Variants in TIMM13 observed in about 807,000 individuals in gnomAD.
TIMM13 encodes the protein translocase of inner mitochondrial membrane 13.
A neutral mutation model predicts 10.9 loss-of-function variants in TIMM13; 8 were observed. The ratio of observed to expected loss-of-function variants is 0.73; its 90% confidence interval spans 0.43 to 1.32. The LOEUF (loss-of-function observed/expected upper bound fraction) is 1.32. Ranked by LOEUF, TIMM13 falls within the 40% of genes most tolerant of loss-of-function variation. TIMM13 has a pLI of 0.01. For synonymous variants in TIMM13, 68 were observed against 52.5 expected (o/e 1.30, Z -1.28); for missense variants, 147 against 132.8 (o/e 1.11, Z -0.53).
At position 2,425,660 on chromosome 19, in the gene TIMM13, C is replaced by A; in HGVS notation, c.*1288G>T. The stretch of plus-strand genomic sequence containing the variant: ...TCTGGAGGAATTTCCACTCCACAGC[C>A]GTTTATTGGGCAACCCACCGCATCC... On this transcript the variant is annotated 3_prime_UTR_variant, in exon 3 of 3. Coordinates refer to ENST00000215570, the MANE Select transcript of TIMM13 (RefSeq NM_012458.4). 2 of 1,326,196 alleles carry A rather than the reference C, an allele frequency of 1.5e-6. No individual in the cohort carries two copies. The highest frequency in any genetic ancestry group is 1.7e-5 in the South Asian group (1 of 58,374). 82.2% of individuals were successfully genotyped at this position (1,326,196 alleles called of 1,614,324 possible). A position where few individuals can be genotyped will look rare whatever the true frequency, so the allele number is the denominator to read the frequency against.
At position 2,425,714 on chromosome 19, in the gene TIMM13, C is replaced by A; in HGVS notation, c.*1234G>T. On this transcript the variant is annotated 3_prime_UTR_variant, in exon 3 of 3. Transcript: ENST00000215570. ...CCCCGGGCCTCGGCGGCAGAGCAGG[C>A]AGAGGCTGCAGTGGGAGGCACCGTT... 1 of 1,166,708 alleles carries A rather than the reference C, an allele frequency of 8.6e-7. No homozygotes were observed. The highest frequency in any genetic ancestry group is 1.7e-5 in the South Asian group (1 of 57,266). The allele number at this position is 1,166,708 out of a possible 1,614,324, so 72.3% of individuals were successfully genotyped here.
chr19:2,426,063 G>A lies in TIMM13; in HGVS notation c.*885C>T, dbSNP rs147580035. 10 of 1,609,318 alleles carry A rather than the reference G, an allele frequency of 6.2e-6. No individual in the cohort carries two copies. The African/African-American group carries it at 9.4e-5, about 15-fold the overall frequency. On this transcript the variant is annotated 3_prime_UTR_variant, in exon 3 of 3. Transcript: ENST00000215570. ...ACCCGGGTGGCAGCTGTGAGAGGCT[G>A]GATAGGACAGCACATCCAGGAGTGA...
At position 2,426,993 on chromosome 19, in the gene TIMM13, A is replaced by G; in HGVS notation, c.243T>C (p.Ser81=). ...DRYMDAWNTV[S]RAYNSRLQRE... ...GCTGCAGCCGCGAGTTGTAGGCGCG[A>G]GACACGGTGTTCCAGGCGTCCATGT... Residue 81 remains serine (S), a synonymous_variant, in exon 3 of 3, where the codon TCT becomes TCC. Transcript: ENST00000215570. 1 of 1,607,744 alleles carries G rather than the reference A, an allele frequency of 6.2e-7. No homozygotes were observed. Among genetic ancestry groups the G allele is most frequent in the East Asian group, 2.2e-5 (1 of 44,546 alleles).
rs115153608 is a variant in TIMM13, at chr19:2,426,759, C to T, written c.*189G>A. On this transcript the variant is annotated 3_prime_UTR_variant, in exon 3 of 3. Transcript: ENST00000215570. ...AGCACTTCAGGAAGGCACAGGGCCCCACACCCCCGAGATCCAAGCTGCACT... is the reference window on the plus strand; with the variant it reads ...AGCACTTCAGGAAGGCACAGGGCCCTACACCCCCGAGATCCAAGCTGCACT... The T allele has an allele frequency of 7.5e-5, 49 of 652,236 alleles. No individual in the cohort carries two copies. The highest frequency in any genetic ancestry group is 7.2e-4 in the African/African-American group (40 of 55,712). The allele number at this position is 652,236 out of a possible 1,614,324, so 40.4% of individuals were successfully genotyped here.
chr19:2,426,878 T>A lies in TIMM13; in HGVS notation c.*70A>T. On this transcript the variant is annotated 3_prime_UTR_variant, in exon 3 of 3. Transcript: ENST00000215570. ...TCCTAAGCCCCGGGCAGGCAGTACG[T>A]ACATGCGGACCCCGCCTCTCAAAGC... is the stretch of plus-strand genomic sequence containing the variant. 6.8e-7 allele frequency: 1 copy of A among 1,465,330 alleles called. No individual in the cohort carries two copies. Among genetic ancestry groups the A allele is most frequent in the Non-Finnish European group, 9.3e-7 (1 of 1,074,952 alleles). 90.8% of individuals were successfully genotyped at this position (1,465,330 alleles called of 1,614,324 possible).
chr19:2,427,199 CTCCCCCCT>C lies in TIMM13; in HGVS notation c.189+49_189+56del, dbSNP rs1416616966. 23 of 1,592,686 alleles carry C rather than the reference CTCCCCCCT, an allele frequency of 1.4e-5. No individual in the cohort carries two copies. The East Asian group carries it at 4.3e-4, about 30-fold the overall frequency. ...CGTTAGTCTGCGCACGCGCAGACAC[CTCCCCCCT>C]CGAATCTAGGCCCTCGCGACCCTTG... is the stretch of plus-strand genomic sequence containing the variant. On this transcript the variant is annotated intron_variant, in intron 2 of 2. Coordinates refer to ENST00000215570, the MANE Select transcript of TIMM13 (RefSeq NM_012458.4).
chr19:2,426,239 A>G lies in TIMM13; in HGVS notation c.*709T>C, dbSNP rs1022663001. The G allele has an allele frequency of 3.9e-5, 34 of 864,702 alleles. No individual in the cohort carries two copies. Among genetic ancestry groups the G allele is most frequent in the Non-Finnish European group, 5.6e-5 (33 of 589,780 alleles). The allele number at this position is 864,702 out of a possible 1,614,324, so 53.6% of individuals were successfully genotyped here. ...CATTTTGGTACCACCCTTTGTTCCA[A>G]TAAACACAGCCCCTCCACCCTAGCT... On this transcript the variant is annotated 3_prime_UTR_variant, in exon 3 of 3. Coordinates refer to ENST00000215570, the MANE Select transcript of TIMM13 (RefSeq NM_012458.4).
rs758940729 is a variant in TIMM13, at chr19:2,426,017, C to T, written c.*931G>A. ...TAGCTGGGGCTATGGCTGTGGCCGGCCCCACTTCCCAGGTGTCTATACCCG... is the reference window on the plus strand; with the variant it reads ...TAGCTGGGGCTATGGCTGTGGCCGGTCCCACTTCCCAGGTGTCTATACCCG... On this transcript the variant is annotated 3_prime_UTR_variant, in exon 3 of 3. Coordinates refer to ENST00000215570, the MANE Select transcript of TIMM13 (RefSeq NM_012458.4). 3 of 1,607,800 alleles carry T rather than the reference C, an allele frequency of 1.9e-6. No homozygotes were observed. The highest frequency in any genetic ancestry group is 1.1e-5 in the South Asian group (1 of 90,524).
chr19:2,427,564 C>T lies in TIMM13; in HGVS notation c.-31G>A. ...CGCAAAGTCAACCGGACCGAGGCCGCGTGCGCCGACTCGTAACTAACTGCG... is the reference window on the plus strand; with the variant it reads ...CGCAAAGTCAACCGGACCGAGGCCGTGTGCGCCGACTCGTAACTAACTGCG... On this transcript the variant is annotated 5_prime_UTR_variant, in exon 1 of 3. Transcript: ENST00000215570. 1 of 1,568,530 alleles carries T rather than the reference C, an allele frequency of 6.4e-7. No individual in the cohort carries two copies. The highest frequency in any genetic ancestry group is 8.6e-7 in the Non-Finnish European group (1 of 1,158,688).
chr19:2,426,165 C>A lies in TIMM13; in HGVS notation c.*783G>T. 1 of 1,532,706 alleles carries A rather than the reference C, an allele frequency of 6.5e-7. No homozygotes were observed. The highest frequency in any genetic ancestry group is 8.7e-7 in the Non-Finnish European group (1 of 1,143,074). 94.9% of individuals were successfully genotyped at this position (1,532,706 alleles called of 1,614,324 possible). ...CAGGCCACCCAACACCCCACCCCAC[C>A]GTACCCTACCCAAGGACGGGTGTGG... On this transcript the variant is annotated 3_prime_UTR_variant, in exon 3 of 3. Transcript: ENST00000215570.
Position 2,426,822 on chromosome 19 carries a change from A to C in TIMM13, c.*126T>G. The C allele has an allele frequency of 1.1e-6, 1 of 940,628 alleles. No homozygotes were observed. Among genetic ancestry groups the C allele is most frequent in the Non-Finnish European group, 1.6e-6 (1 of 617,198 alleles). The allele number at this position is 940,628 out of a possible 1,614,324, so 58.3% of individuals were successfully genotyped here. A position where few individuals can be genotyped will look rare whatever the true frequency, so the allele number is the denominator to read the frequency against. ...GCAGGGCGGGGGGTGGCGAGGACACAGTCCCGTGTGTCCCAGCACCGGTGC... is the reference window on the plus strand; with the variant it reads ...GCAGGGCGGGGGGTGGCGAGGACACCGTCCCGTGTGTCCCAGCACCGGTGC... On this transcript the variant is annotated 3_prime_UTR_variant, in exon 3 of 3. Transcript: ENST00000215570.
At position 2,426,028 on chromosome 19, in the gene TIMM13, AG is replaced by A. The variant is rs747279532; in HGVS notation, c.*919del. On this transcript the variant is annotated 3_prime_UTR_variant, in exon 3 of 3. Transcript: ENST00000215570. ...ATGGCTGTGGCCGGCCCCACTTCCC[AG>A]GTGTCTATACCCGGGTGGCAGCTGT... 6 of 1,608,538 alleles carry A rather than the reference AG, an allele frequency of 3.7e-6. No individual in the cohort carries two copies.
Position 2,427,511 on chromosome 19 carries a change from T to C in TIMM13, c.23A>G (p.Asp8Gly). 2 of 1,609,168 alleles carry C rather than the reference T, an allele frequency of 1.2e-6. No homozygotes were observed. Among genetic ancestry groups the C allele is most frequent in the South Asian group, 2.2e-5 (2 of 90,798 alleles). The change falls in exon 1 of 3, where the codon GAT becomes GGT. Residue 8 changes from aspartate to glycine, a missense_variant. By Grantham distance (94) the Asp-to-Gly change is moderately conservative. Transcript: ENST00000215570. The stretch of plus-strand genomic sequence containing the variant: ...CTTCCCGCTGCCGGAGCCCCCGAAA[T>C]CGGAGCCGAAGCCGCCCTCCATGGC... MEGGFGSDFGGSGSGKLD... is the reference protein window; with the variant it reads MEGGFGSGFGGSGSGKLD...
rs7252121 is a variant in TIMM13 at position 2,426,039 on chromosome 19, C to T, written c.*909G>A. On this transcript the variant is annotated 3_prime_UTR_variant, in exon 3 of 3. Coordinates refer to ENST00000215570, the MANE Select transcript of TIMM13 (RefSeq NM_012458.4). Reference sequence around the variant, plus strand: ...CGGCCCCACTTCCCAGGTGTCTATACCCGGGTGGCAGCTGTGAGAGGCTGG... The same window carrying T: ...CGGCCCCACTTCCCAGGTGTCTATATCCGGGTGGCAGCTGTGAGAGGCTGG... The T allele has an allele frequency of 2.6e-3, 4,190 of 1,609,174 alleles. 90 individuals carry two copies. In the African/African-American group the frequency reaches 0.045, roughly 17 times the overall value.
Position 2,427,303 on chromosome 19 carries a change from G to A in TIMM13, c.142C>T (p.Arg48Trp), listed in dbSNP as rs1349194901. Residue 48 changes from arginine to tryptophan, a missense_variant, in exon 2 of 3, where the codon CGG (arginine) becomes TGG (tryptophan). Arg to Trp is a moderately radical substitution (Grantham distance 101). Transcript: ENST00000215570. ...LLQRMTDKCF[R>W]KCIGKPGGSL... is the part of the protein sequence containing the mutation. ...CCCCCAGGTTTCCCTATACACTTCC[G>A]GAAACACTTGTCCGTCATCCTCTGT... The A allele has an allele frequency of 4.3e-6, 7 of 1,613,262 alleles. No individual in the cohort carries two copies. Among genetic ancestry groups the A allele is most frequent in the African/African-American group, 1.3e-5 (1 of 74,900 alleles).
At position 2,426,636 on chromosome 19, in the gene TIMM13, T is replaced by C; in HGVS notation, c.*312A>G. On this transcript the variant is annotated 3_prime_UTR_variant, in exon 3 of 3. Transcript: ENST00000215570. ...CCTGTGGTGTCTGACCACCCCCAACTCCGAAGTCCAGACAAGCTGTCCGCC... is the reference window on the plus strand; with the variant it reads ...CCTGTGGTGTCTGACCACCCCCAACCCCGAAGTCCAGACAAGCTGTCCGCC... 1 of 476,070 alleles carries C rather than the reference T, an allele frequency of 2.1e-6. No individual in the cohort carries two copies. Among genetic ancestry groups the C allele is most frequent in the East Asian group, 3.6e-5 (1 of 27,566 alleles). The allele number at this position is 476,070 out of a possible 1,614,324, so 29.5% of individuals were successfully genotyped here.
rs1971629576 is a variant in TIMM13 at position 2,426,235 on chromosome 19, TC to T, written c.*712del. 3.4e-6 allele frequency: 3 copies of T among 894,330 alleles called. No homozygotes were observed. Among genetic ancestry groups the T allele is most frequent in the African/African-American group, 1.8e-5 (1 of 56,426 alleles). The allele number at this position is 894,330 out of a possible 1,614,324, so 55.4% of individuals were successfully genotyped here. A position where few individuals can be genotyped will look rare whatever the true frequency, so the allele number is the denominator to read the frequency against. On this transcript the variant is annotated 3_prime_UTR_variant, in exon 3 of 3. Transcript: ENST00000215570. Reference sequence around the variant, plus strand: ...GATGCATTTTGGTACCACCCTTTGTTCCAATAAACACAGCCCCTCCACCCTA... The same window carrying T: ...GATGCATTTTGGTACCACCCTTTGTTCAATAAACACAGCCCCTCCACCCTA...
Position 2,425,843 on chromosome 19 carries a change from G to T in TIMM13, c.*1105C>A. On this transcript the variant is annotated 3_prime_UTR_variant, in exon 3 of 3. Transcript: ENST00000215570. ...GCGGCTCCCAGGGGAAGTCACTAGG[G>T]TCACTCCTAGAGGGGCCAATGACCC... 2 of 1,472,342 alleles carry T rather than the reference G, an allele frequency of 1.4e-6. No homozygotes were observed. Among genetic ancestry groups the T allele is most frequent in the Non-Finnish European group, 1.8e-6 (2 of 1,113,892 alleles). 91.2% of individuals were successfully genotyped at this position (1,472,342 alleles called of 1,614,324 possible). A position where few individuals can be genotyped will look rare whatever the true frequency, so the allele number is the denominator to read the frequency against.
rs941046698 is a variant in TIMM13 at position 2,426,180 on chromosome 19, G to A, written c.*768C>T. ...CCCACCCCACCGTACCCTACCCAAGGACGGGTGTGGGGGGGCTGTGGGTCA... is the reference window on the plus strand; with the variant it reads ...CCCACCCCACCGTACCCTACCCAAGAACGGGTGTGGGGGGGCTGTGGGTCA... On this transcript the variant is annotated 3_prime_UTR_variant, in exon 3 of 3. Coordinates refer to ENST00000215570, the MANE Select transcript of TIMM13 (RefSeq NM_012458.4). 7 of 1,000,278 alleles carry A rather than the reference G, an allele frequency of 7.0e-6. No homozygotes were observed. The highest frequency in any genetic ancestry group is 7.2e-5 in the Admixed American group (2 of 27,882). The allele number at this position is 1,000,278 out of a possible 1,614,324, so 62.0% of individuals were successfully genotyped here. A position where few individuals can be genotyped will look rare whatever the true frequency, so the allele number is the denominator to read the frequency against.
Sources: gnomAD v4.1 joint callset for allele counts on GRCh38, gnomAD v4.1.1 for gene constraint, MANE v1.5 for transcripts, NCBI Gene and HGNC (gene_info 2026-07-23, HGNC 2026-07-21) for gene names.